The following IDI1 variants were observed in gnomAD, a reference collection of about 807,000 sequenced individuals.
IDI1 encodes the protein isopentenyl-diphosphate delta isomerase 1.
In IDI1, 23 loss-of-function variants were observed where a neutral mutation model predicts 32.9. That is an observed-to-expected ratio of 0.70 (90% CI 0.50 to 0.99). IDI1 has a LOEUF of 0.99. IDI1 is among the 50% of genes least tolerant of loss of function. The pLI is 0.00. For synonymous variants in IDI1, 133 were observed against 128.2 expected, an observed-to-expected ratio of 1.04 and a Z score of -0.25; for missense variants, 326 against 351.9, an observed-to-expected ratio of 0.93 and a Z score of 0.59.
upstream of IDI1, among the ~76,000 whole-genome samples, chr10:1,049,337 G>A (rs1564489383): frequency 6.6e-6 from 1 of 152,170 alleles, no homozygotes; most frequent in Non-Finnish European, 1.5e-5. Context: ...CTCCCAATCC[G>A]AAAGCGCCCG....
At chr10:1,056,230 T>C in the IDI1 span, among the ~76,000 whole-genome samples, 1 of 152,250 alleles carries the variant, frequency 6.6e-6, no homozygotes, top group Non-Finnish European at 1.5e-5. Flanking sequence ...CTGTAGAGCG[T>C]TGAGACGGCT....
chr10:1,053,034 C>T (rs192471364), upstream of IDI1, among the ~76,000 whole-genome samples: 5 of 152,114 alleles, frequency 3.3e-5, no homozygotes, highest in East Asian at 9.6e-4. Flanking sequence ...GAGATGGAGT[C>T]TCACTCTGTT....
chr10:1,045,955 AAAT>A (rs1392249915), intron 1 of IDI1, among the ~76,000 whole-genome samples: 1 of 152,192 alleles, frequency 6.6e-6, no homozygotes, highest in Non-Finnish European at 1.5e-5. Context: ...AAAAAATCTG[AAAT>A]AAGGTTAATG....
rs41285597 is a variant in IDI1 at position 1,043,885 on chromosome 10, C to T, written c.313+114G>A. 332 of 879,376 alleles carry T rather than the reference C, an allele frequency of 3.8e-4. 1 individual carries two copies. The highest frequency in any genetic ancestry group is 7.1e-4 in the Middle Eastern group (2 of 2,830). The allele number at this position is 879,376 out of a possible 1,614,324, so 54.5% of individuals were successfully genotyped here. A position where few individuals can be genotyped will look rare whatever the true frequency, so the allele number is the denominator to read the frequency against. On this transcript the variant is annotated intron_variant, in intron 2 of 4. Transcript: ENST00000381344. Reference sequence around the variant, plus strand: ...ACACTATTTAACGAACTGGAACCAACGAGAAAATACGGTATTACTGAAGAC... The same window carrying T: ...ACACTATTTAACGAACTGGAACCAATGAGAAAATACGGTATTACTGAAGAC...
At chr10:1,056,107 T>C in the IDI1 span, among the ~76,000 whole-genome samples, 2 of 152,152 alleles carry the variant, frequency 1.3e-5, no homozygotes. Flanking sequence ...GCGCCTGGCC[T>C]TGAGCTTCCT....
At chr10:1,056,658 G>A in the IDI1 span, 1 of 152,244 alleles carries the variant, frequency 6.6e-6, no homozygotes, top group Non-Finnish European at 1.5e-5. Flanking sequence ...AGCAGCCGAA[G>A]GGGTCTTCAG....
chr10:1,049,285 T>C (rs549122632), upstream of IDI1: 23 of 483,742 alleles, frequency 4.8e-5, no homozygotes, highest in South Asian at 5.5e-4. Flanking sequence ...GAACGGTGCC[T>C]AACGTCAGAC....
chr10:1,051,842 A>G (rs892043802), upstream of IDI1, among the ~76,000 whole-genome samples: 1 of 152,188 alleles, frequency 6.6e-6, no homozygotes, highest in Non-Finnish European at 1.5e-5. Flanking sequence ...GTTGATTGAC[A>G]ATTCTTTTCA....
chr10:1,047,703 A>T (rs1832837068), intron 1 of IDI1, among the ~76,000 whole-genome samples: 1 of 152,142 alleles, frequency 6.6e-6, no homozygotes, highest in Non-Finnish European at 1.5e-5. Context: ...TTCCACAATG[A>T]TGAAAGTACC....
rs936526085 is a variant in IDI1, at chr10:1,039,696, C to G, written c.*1491G>C. The G allele has an allele frequency of 2.6e-5, 4 of 152,170 alleles. No homozygotes were observed. Among genetic ancestry groups the G allele is most frequent in the Non-Finnish European group, 4.4e-5 (3 of 68,032 alleles). The allele number at this position is 152,170 out of a possible 1,614,324, so 9.4% of individuals were successfully genotyped here. A position where few individuals can be genotyped will look rare whatever the true frequency, so the allele number is the denominator to read the frequency against. On this transcript the variant is annotated 3_prime_UTR_variant, in exon 5 of 5. Coordinates refer to ENST00000381344, the MANE Select transcript of IDI1 (RefSeq NM_004508.4). ...TATCTAACTCTTGCTAAGTACTTAACAAGGTGCTGGGTAGCAGTCTAAGGG... is the reference window on the plus strand; with the variant it reads ...TATCTAACTCTTGCTAAGTACTTAAGAAGGTGCTGGGTAGCAGTCTAAGGG...
intron 4 of IDI1, 99 bp downstream of exon 4, chr10:1,042,529 TTACC>T (rs1385128080): frequency 1.2e-5 from 13 of 1,120,158 alleles, no homozygotes; most frequent in Non-Finnish European, 1.7e-5. Flanking sequence ...ACTCCGGAGG[TTACC>T]AAGCAGAGAA....
At chr10:1,056,522 G>A in the IDI1 span, 1 of 152,150 alleles carries the variant, frequency 6.6e-6, no homozygotes, top group Non-Finnish European at 1.5e-5. Context: ...CTCCCGCCCC[G>A]GCTGCCGGGC....
At chr10:1,049,477 C>A (rs3829164), upstream of IDI1, 48 of 140,980 alleles carry the variant, frequency 3.4e-4, 1 homozygote, top group South Asian at 6.4e-3. Flanking sequence ...CCCCCTCCCC[C>A]CCCCCGAGTT....
intron 1 of IDI1, chr10:1,048,332 C>G: frequency 1.5e-6 from 2 of 1,304,702 alleles, no homozygotes; most frequent in Non-Finnish European, 2.0e-6. Context: ...TGCGATGCTC[C>G]CCATCTCTTC....
At chr10:1,054,624 T>G in the IDI1 span, among the ~76,000 whole-genome samples, 1 of 152,260 alleles carries the variant, frequency 6.6e-6, no homozygotes, top group African/African-American at 2.4e-5. Context: ...ATACCAGGAT[T>G]GCAATCATAA....
upstream of IDI1, among the ~76,000 whole-genome samples, chr10:1,050,393 G>A (rs1052625810): frequency 7.2e-5 from 11 of 152,000 alleles, no homozygotes; most frequent in Non-Finnish European, 1.6e-4. Context: ...TGGGAATCAG[G>A]ACTTTTAAGT....
intron 1 of IDI1, chr10:1,048,114 G>T (rs1832854671): frequency 3.2e-6 from 2 of 618,816 alleles, no homozygotes; most frequent in Non-Finnish European, 5.0e-6. Flanking sequence ...CTTCGACTCC[G>T]CCTCCCAAAG....
chr10:1,039,313 C>A (rs1056863819), downstream of IDI1: 2 of 153,772 alleles, frequency 1.3e-5, no homozygotes, highest in Non-Finnish European at 2.9e-5. Flanking sequence ...TCCTATTATA[C>A]CATTTTCTGT....
chr10:1,053,732 ATT>A (rs762245072), upstream of IDI1, among the ~76,000 whole-genome samples: 14 of 143,672 alleles, frequency 9.7e-5, no homozygotes, highest in Non-Finnish European at 7.7e-5. Flanking sequence ...TAATTGCCTG[ATT>A]TTTTTTTTTT....
Sources: allele counts gnomAD v4.1 joint callset (sites outside exome capture counted in the v4.1 genomes callset), GRCh38; gene constraint gnomAD v4.1.1; transcripts MANE v1.5; gene names NCBI Gene and HGNC (gene_info 2026-07-23, HGNC 2026-07-21).